NAALADL2: variants seen among roughly 807,000 people sequenced by gnomAD.
NAALADL2 encodes the protein N-acetylated alpha-linked acidic dipeptidase like 2.
In NAALADL2, 76 loss-of-function variants were observed where a neutral mutation model predicts 87.2. That is an observed-to-expected ratio of 0.87 (90% CI 0.72 to 1.05). The LOEUF (loss-of-function observed/expected upper bound fraction) is 1.05. Among genes scored for constraint, NAALADL2 ranks in the 50% least tolerant of loss-of-function variants. NAALADL2 has a pLI of 0.00. For synonymous variants in NAALADL2, 354 were observed against 331.0 expected (o/e 1.07, Z -0.75); for missense variants, 1,089 against 945.8 (o/e 1.15, Z -1.99).
At chr3:175,614,990 A>G (rs12486665) in intron 10 of NAALADL2, among the ~76,000 whole-genome samples, 98,780 of 152,076 alleles carry the variant, frequency 0.65, 34,531 homozygotes, top group East Asian at 0.85. Flanking sequence ...TTAGGACAAA[A>G]CAAGTAAACA....
Position 175,640,795 on chromosome 3 carries a change from C to T in NAALADL2, c.1896+13409C>T, listed in dbSNP as rs546346750. Among the ~76,000 whole-genome samples the T allele has an allele frequency of 1.8e-4, 28 of 151,998 alleles. 1 individual carries two copies. The highest frequency in any genetic ancestry group is 1.7e-4 in the African/African-American group (7 of 41,378). ...TGCAATGTTTAACAAGTGTTGTATA[C>T]GAGTTTTTATATAAAAAAATTTAAA... On this transcript the variant is annotated intron_variant, in intron 11 of 13. Transcript: ENST00000454872.
At chr3:174,869,236 G>A (rs1327032337) in intron 1 of NAALADL2, among the ~76,000 whole-genome samples, 2 of 152,118 alleles carry the variant, frequency 1.3e-5, no homozygotes, top group African/African-American at 2.4e-5. Context: ...ACTTTAAGAA[G>A]CTTAAAACAG....
rs368568422 is a variant in NAALADL2 at position 174,968,687 on chromosome 3, C to G, written c.43+109237C>G. On this transcript the variant is annotated intron_variant, in intron 1 of 13. Transcript: ENST00000454872. ...TAGAGACGGGGTTTCACCAAGTTGA[C>G]CAGGCTTGTCTTGAACTCCTGACCT... 4.7e-4 allele frequency among the ~76,000 whole-genome samples: 71 copies of G among 152,200 alleles called. No homozygotes were observed. The South Asian group carries it at 5.6e-3, about 12-fold the overall frequency.
intron 4 of NAALADL2, among the ~76,000 whole-genome samples, chr3:175,303,313 A>G (rs1757314365): frequency 6.6e-6 from 1 of 152,210 alleles, no homozygotes; most frequent in Non-Finnish European, 1.5e-5. Flanking sequence ...GATATTCAAT[A>G]AATGGTGGTC....
intron 11 of NAALADL2, among the ~76,000 whole-genome samples, chr3:175,631,028 T>A (rs1460827830): frequency 6.6e-6 from 1 of 151,444 alleles, no homozygotes; most frequent in Non-Finnish European, 1.5e-5. Context: ...TCACATATTT[T>A]ATATTACCTA....
intron 3 of NAALADL2, among the ~76,000 whole-genome samples, chr3:174,800,400 GC>G (rs1718683179): frequency 6.6e-6 from 1 of 152,212 alleles, no homozygotes; most frequent in Admixed American, 6.5e-5. Context: ...AGCCTTGGCA[GC>G]TTCCATGTGG....
intron 1 of NAALADL2, among the ~76,000 whole-genome samples, chr3:174,962,828 T>G (rs1368372135): frequency 6.6e-6 from 1 of 152,050 alleles, no homozygotes; most frequent in African/African-American, 2.4e-5. Context: ...TGTGGGAGAT[T>G]TTTTTCAGGA....
intron 1 of NAALADL2, among the ~76,000 whole-genome samples, chr3:174,898,845 A>G (rs1731954568): frequency 6.6e-6 from 1 of 152,172 alleles, no homozygotes; most frequent in African/African-American, 2.4e-5. Context: ...ATCTTTGTGG[A>G]GGAAGAAGTA....
rs764662208 is a variant in NAALADL2 at position 175,633,192 on chromosome 3, T to C, written c.1896+5806T>C. 1.3e-5 allele frequency among the ~76,000 whole-genome samples: 2 copies of C among 152,124 alleles called. 1 individual carries two copies. The highest frequency in any genetic ancestry group is 4.1e-4 in the South Asian group (2 of 4,834). On this transcript the variant is annotated intron_variant, in intron 11 of 13. Transcript: ENST00000454872. ...TCACTCATTATAACTTTTGAACCAA[T>C]TTTTTGGAATTCTTGTTTTCCGCTT...
intron 2 of NAALADL2, among the ~76,000 whole-genome samples, chr3:174,698,516 C>G (rs9851204): frequency 0.22 from 33,587 of 151,642 alleles, 5,517 homozygotes; most frequent in East Asian, 0.48. Flanking sequence ...TGTAAATATT[C>G]TTTGTTTTTG....
At chr3:174,753,135 A>T (rs1230125163) in intron 3 of NAALADL2, among the ~76,000 whole-genome samples, 16 of 151,408 alleles carry the variant, frequency 1.1e-4, no homozygotes, top group Non-Finnish European at 1.5e-5. Context: ...ACAGAATTTC[A>T]CTCTGACACC....
Position 174,611,347 on chromosome 3 carries a change from A to C in NAALADL2, c.-115+60710A>C, listed in dbSNP as rs552705321. 2.0e-5 allele frequency among the ~76,000 whole-genome samples: 3 copies of C among 152,242 alleles called. No individual in the cohort carries two copies. The South Asian group carries it at 6.2e-4, about 32-fold the overall frequency. On this transcript the variant is annotated intron_variant, in intron 2 of 3. Transcript: ENST00000434257. ...AAAATAAAAATAAATAAAAAAAAGTAAAACTAATACACACTCTACAACTTA... is the reference window on the plus strand; with the variant it reads ...AAAATAAAAATAAATAAAAAAAAGTCAAACTAATACACACTCTACAACTTA...
chr3:175,039,408 A>G (rs564208158), intron 1 of NAALADL2, among the ~76,000 whole-genome samples: 264 of 152,146 alleles, frequency 1.7e-3, no homozygotes, highest in African/African-American at 6.2e-3. Flanking sequence ...CCTCAGAGCT[A>G]TTATGTCTTT....
rs182187563 is a variant in NAALADL2, at chr3:175,354,622, A to G, written c.1090+30297A>G. Among the ~76,000 whole-genome samples the G allele has an allele frequency of 2.6e-5, 4 of 152,090 alleles. No homozygotes were observed. In the East Asian group the frequency reaches 7.7e-4, roughly 29 times the overall value. On this transcript the variant is annotated intron_variant, in intron 5 of 13. Transcript: ENST00000454872. ...GATTTACCTTTTTTCATTAGATTTG[A>G]ATTATTTAAACTTAACATATACTAT...
At chr3:175,144,720 C>A (rs1206445451) in intron 2 of NAALADL2, among the ~76,000 whole-genome samples, 3 of 151,808 alleles carry the variant, frequency 2.0e-5, no homozygotes, top group South Asian at 4.2e-4. Context: ...TTCTCTAAAT[C>A]CCTGATTTTA....
intron 5 of NAALADL2, among the ~76,000 whole-genome samples, chr3:175,393,280 C>CAAAAAAAAAAAAAAAAAAAAAAA (rs775778803): frequency 6.8e-5 from 2 of 29,516 alleles, no homozygotes; most frequent in African/African-American, 1.4e-4. Context: ...GACTCCGTCT[C>CAAAAAAAAAAAAAAAAAAAAAAA]AAAAAAAAAA....
At chr3:175,627,049 A>G (rs1162961063) in intron 10 of NAALADL2, among the ~76,000 whole-genome samples, 7 of 151,866 alleles carry the variant, frequency 4.6e-5, no homozygotes, top group Non-Finnish European at 1.0e-4. Context: ...TTGCTAAATT[A>G]ATTAAATATT....
At chr3:175,685,013 G>A (rs1029966545) in intron 11 of NAALADL2, among the ~76,000 whole-genome samples, 1 of 152,162 alleles carries the variant, frequency 6.6e-6, no homozygotes, top group Non-Finnish European at 1.5e-5. Flanking sequence ...AGTTTTATAG[G>A]AGAGGTTTGC....
intron 10 of NAALADL2, among the ~76,000 whole-genome samples, chr3:175,600,672 G>A (rs981021455): frequency 1.3e-5 from 2 of 150,910 alleles, no homozygotes; most frequent in Admixed American, 6.6e-5. Context: ...CGAGTAGCTG[G>A]GACTACAGGC....
Sources: gnomAD v4.1 joint callset for allele counts (sites outside exome capture counted in the v4.1 genomes callset) on GRCh38, gnomAD v4.1.1 for gene constraint, MANE v1.5 for transcripts, NCBI Gene and HGNC (gene_info 2026-07-23, HGNC 2026-07-21) for gene names.